The following DNMT3B variants were observed in gnomAD, a reference collection of about 807,000 sequenced individuals.
The protein encoded by DNMT3B is DNA methyltransferase 3 beta.
A neutral mutation model predicts 120.2 loss-of-function variants in DNMT3B; 37 were observed. The ratio of observed to expected loss-of-function variants is 0.31; its 90% CI spans 0.24 to 0.40. The LOEUF is 0.40. Ranked by LOEUF, DNMT3B falls within the 10% of genes least tolerant of loss-of-function variation. The pLI, the probability that DNMT3B is intolerant of heterozygous loss-of-function variation, is 1.00. For missense variants in DNMT3B, 878 were observed against 1,137.3 expected (o/e 0.77, Z 3.28); for synonymous variants, 412 against 442.8 (o/e 0.93, Z 0.87).
intron 4 of DNMT3B, among the ~76,000 whole-genome samples, chr20:32,785,858 G>A (rs575053110): frequency 1.6e-3 from 215 of 134,238 alleles, no homozygotes; most frequent in Non-Finnish European, 2.5e-3. Context: ...GAGTGAACAC[G>A]AATTTTTCTT....
intron 8 of DNMT3B, 143 bp from the exon 9 acceptor site, chr20:32,792,483 T>C: frequency 7.1e-7 from 1 of 1,408,362 alleles, no homozygotes; most frequent in South Asian, 1.2e-5. Flanking sequence ...CTCTGTCACA[T>C]ACCACAGCCC....
At position 32,780,390 on chromosome 20, in the gene DNMT3B, G is replaced by A. The variant is rs367766007; in HGVS notation, c.67G>A (p.Val23Ile). The A allele has an allele frequency of 5.3e-5, 86 of 1,613,848 alleles. 2 individuals carry two copies. The highest frequency in any genetic ancestry group is 3.3e-4 in the Middle Eastern group (2 of 6,062). ...DAGGREDSIL[V>I]NGACSDQSSD... ...CGGCGGGAGGGAAGACTCGATCCTC[G>A]TCAACGGGGCCTGCAGCGACCAGTC... Residue 23 changes from valine (V) to isoleucine (I), a missense_variant, in exon 2 of 23, where the codon GTC becomes ATC. By Grantham distance (29) the Val-to-Ile change is conservative (BLOSUM62 3). This residue lies in a region of DNMT3B where 287 missense variants were observed against 306.2 expected (regional missense o/e 0.94). Transcript: ENST00000328111.
intron 16 of DNMT3B, 26 bp from the exon 17 acceptor site, chr20:32,800,127 C>G: frequency 6.2e-7 from 1 of 1,614,100 alleles, no homozygotes. Flanking sequence ...ATCATTTATG[C>G]TTCTGTGTCT....
chr20:32,797,437 A>G, intron 14 of DNMT3B, 138 bp downstream of exon 14: 1 of 782,634 alleles, frequency 1.3e-6, no homozygotes, highest in Non-Finnish European at 2.0e-6. Flanking sequence ...AGCAGCACAC[A>G]GGGTTTATAT....
intron 2 of DNMT3B, 114 bp from the exon 3 acceptor site, chr20:32,781,239 A>G (rs1057305735): frequency 6.9e-6 from 7 of 1,016,650 alleles, no homozygotes; most frequent in African/African-American, 1.6e-5. Flanking sequence ...GTGGCTGACA[A>G]TAGTGTAGGG....
chr20:32,790,576 C>G (rs1335621478), intron 7 of DNMT3B, among the ~76,000 whole-genome samples: 1 of 152,170 alleles, frequency 6.6e-6, no homozygotes, highest in East Asian at 1.9e-4. Context: ...GGTGGTCACA[C>G]CCCCATATAG....
At chr20:32,801,481 G>C in intron 19 of DNMT3B, 55 bp downstream of exon 19, 1 of 1,610,222 alleles carries the variant, frequency 6.2e-7, no homozygotes. Flanking sequence ...GGAAAGCGCT[G>C]CTGGCAGTGA....
rs889145646 is a variant in DNMT3B, at chr20:32,801,353, C to T, written c.2072C>T (p.Pro691Leu). ...YSRPKEGDDRPFFWMFENVVA... is the reference protein window; with the variant it reads ...YSRPKEGDDRLFFWMFENVVA... ...CGCCCCAAGGAGGGTGATGACCGGC[C>T]GTTCTTCTGGATGTTTGAGAATGTT... The change falls in exon 19 of 23, where the codon CCG becomes CTG. Residue 691 changes from proline (P) to leucine (L), a missense_variant. By Grantham distance (98) the Pro-to-Leu change is moderately conservative (BLOSUM62 -3). Coordinates refer to ENST00000328111, the MANE Select transcript of DNMT3B (RefSeq NM_006892.4). 14 of 1,613,990 alleles carry T rather than the reference C, an allele frequency of 8.7e-6. No individual in the cohort carries two copies. The highest frequency in any genetic ancestry group is 1.3e-5 in the African/African-American group (1 of 74,888).
At chr20:32,766,844 C>A (rs759540042) in intron 1 of DNMT3B, among the ~76,000 whole-genome samples, 1 of 151,878 alleles carries the variant, frequency 6.6e-6, no homozygotes, top group Non-Finnish European at 1.5e-5. Flanking sequence ...TCTCAAAGTG[C>A]TGGGATTATA....
Position 32,764,811 on chromosome 20 carries a change from G to A in DNMT3B, c.-7+2112G>A, listed in dbSNP as rs142172425. Among the ~76,000 whole-genome samples, 28 of 152,326 alleles carry A rather than the reference G, an allele frequency of 1.8e-4. No individual in the cohort carries two copies. The East Asian group carries it at 5.0e-3, about 27-fold the overall frequency. On this transcript the variant is annotated intron_variant, in intron 1 of 22. Transcript: ENST00000328111. ...TAACCCCCACCCCTTGCAAAGGATG[G>A]GGGGAGGGGAAGACGGTAGCTGGGA... is the stretch of plus-strand genomic sequence containing the variant.
At chr20:32,791,020 A>G (rs752579621) in intron 7 of DNMT3B, among the ~76,000 whole-genome samples, 18 of 152,222 alleles carry the variant, frequency 1.2e-4, no homozygotes, top group Non-Finnish European at 2.4e-4. Flanking sequence ...CAACTCAGTC[A>G]GTTCATGCTT....
chr20:32,785,892 C>CT (rs563541364), intron 4 of DNMT3B, among the ~76,000 whole-genome samples: 1,418 of 128,672 alleles, frequency 0.011, 7 homozygotes, highest in Middle Eastern at 0.015. Context: ...CTTTTTTTTT[C>CT]TTTTTTTTTG....
intron 1 of DNMT3B, among the ~76,000 whole-genome samples, chr20:32,769,532 G>C (rs910902154): frequency 6.6e-6 from 1 of 152,128 alleles, no homozygotes. Context: ...CTTCTTGACC[G>C]TTGGGGTGGG....
Position 32,793,601 on chromosome 20 carries a change from T to C in DNMT3B, c.1126+6T>C. On this transcript the variant is annotated splice_donor_region_variant and intron_variant, in intron 10 of 22. Coordinates refer to ENST00000328111, the MANE Select transcript of DNMT3B (RefSeq NM_006892.4). Reference sequence around the variant, plus strand: ...ATTAGAATCAAGGAAATACGGTATTTCCTTCCTGTCTTTTGACTGTGCCCT... The same window carrying C: ...ATTAGAATCAAGGAAATACGGTATTCCCTTCCTGTCTTTTGACTGTGCCCT... The C allele has an allele frequency of 1.2e-6, 2 of 1,614,128 alleles. No individual in the cohort carries two copies. The highest frequency in any genetic ancestry group is 1.7e-6 in the Non-Finnish European group (2 of 1,179,962).
intron 20 of DNMT3B, among the ~76,000 whole-genome samples, chr20:32,804,371 G>T (rs957871560): frequency 7.2e-5 from 11 of 152,142 alleles, no homozygotes; most frequent in African/African-American, 2.7e-4. Flanking sequence ...GGTAGGAATG[G>T]GGATAGAGGT....
chr20:32,785,972 C>T (rs1466457719), intron 4 of DNMT3B, among the ~76,000 whole-genome samples: 3 of 152,052 alleles, frequency 2.0e-5, no homozygotes, highest in Non-Finnish European at 4.4e-5. Context: ...CAACCTCTGC[C>T]TCCCTGGTCC....
intron 1 of DNMT3B, among the ~76,000 whole-genome samples, chr20:32,779,273 G>A (rs1569686): frequency 2.0e-5 from 3 of 152,190 alleles, no homozygotes; most frequent in South Asian, 2.1e-4. Flanking sequence ...CGGTTTCAGC[G>A]GGGATTTATG....
chr20:32,796,678 C>T, intron 12 of DNMT3B, 112 bp from the exon 13 acceptor site: 1 of 1,196,540 alleles, frequency 8.4e-7, no homozygotes, highest in Non-Finnish European at 1.2e-6. Flanking sequence ...GCAAAGAGTC[C>T]TTGGCAAGCT....
intron 6 of DNMT3B, 52 bp from the exon 7 acceptor site, chr20:32,788,802 G>A: frequency 1.2e-6 from 2 of 1,611,878 alleles, no homozygotes; most frequent in Non-Finnish European, 1.7e-6. Context: ...ACAGGACTTG[G>A]CCCAGGATGG....
Sources: gnomAD v4.1 joint callset for allele counts (sites outside exome capture counted in the v4.1 genomes callset) on GRCh38, gnomAD v4.1.1 for gene constraint, gnomAD v4.1.1 regional missense constraint, MANE v1.5 for transcripts, NCBI Gene and HGNC (gene_info 2026-07-23, HGNC 2026-07-21) for gene names.